FLI1: variants seen among roughly 807,000 people sequenced by gnomAD.
FLI1 encodes Friend leukemia integration 1 transcription factor.
Under a neutral mutation model 53.1 loss-of-function variants are expected in FLI1, and 13 were observed. That is an observed-to-expected ratio of 0.24 (90% confidence interval 0.16 to 0.39). The LOEUF is 0.39. Ranked by LOEUF, FLI1 falls within the 10% of genes least tolerant of loss-of-function variation. The probability of loss-of-function intolerance (pLI) is 1.00; values close to 1 mark genes in which losing one functional copy is unlikely to be tolerated. For synonymous variants in FLI1, 244 were observed against 236.7 expected (o/e 1.03, Z -0.28); for missense variants, 424 against 600.5 (o/e 0.71, Z 3.07).
intron 5 of FLI1, among the ~76,000 whole-genome samples, chr11:128,795,292 C>A (rs1000364127): frequency 6.6e-6 from 1 of 152,214 alleles, no homozygotes; most frequent in African/African-American, 2.4e-5. Flanking sequence ...CGGAGCCTCA[C>A]CTCATTCACA....
upstream of FLI1, chr11:128,693,869 G>A (rs1374239352): frequency 4.6e-6 from 1 of 217,344 alleles, no homozygotes; most frequent in Non-Finnish European, 8.3e-6. Flanking sequence ...AGCAGGGGAG[G>A]AAGAGGGGGT....
chr11:128,745,788 T>G (rs530538678), intron 1 of FLI1, among the ~76,000 whole-genome samples: 1 of 152,348 alleles, frequency 6.6e-6, no homozygotes, highest in Admixed American at 6.5e-5. Context: ...AGGCTGATTT[T>G]GCCTTCGTCC....
At chr11:128,773,585 G>A (rs776157141) in intron 4 of FLI1, among the ~76,000 whole-genome samples, 3 of 150,016 alleles carry the variant, frequency 2.0e-5, no homozygotes, top group Non-Finnish European at 4.4e-5. Context: ...GAAAGGGCGA[G>A]CTTAAGAAAG....
chr11:128,686,082 G>T, upstream of FLI1: 1 of 315,524 alleles, frequency 3.2e-6, no homozygotes, highest in Non-Finnish European at 6.4e-6. Flanking sequence ...CTCCGTCCCC[G>T]GGCCACCAGC....
At chr11:128,791,429 C>T (rs1429966002) in intron 5 of FLI1, among the ~76,000 whole-genome samples, 3 of 152,204 alleles carry the variant, frequency 2.0e-5, no homozygotes, top group African/African-American at 7.2e-5. Flanking sequence ...TCATTACGGT[C>T]TTGTGCACCC....
intron 1 of FLI1, among the ~76,000 whole-genome samples, chr11:128,745,811 G>A (rs1280151696): frequency 6.6e-6 from 1 of 152,210 alleles, no homozygotes; most frequent in African/African-American, 2.4e-5. Flanking sequence ...CTGCCAGGCT[G>A]CTCTCTGGGT....
intron 1 of FLI1, among the ~76,000 whole-genome samples, chr11:128,747,640 G>A (rs925668783): frequency 1.3e-5 from 2 of 152,190 alleles, no homozygotes; most frequent in African/African-American, 4.8e-5. Flanking sequence ...CTTTGATACT[G>A]TGGGACCTAC....
chr11:128,737,219 G>A (rs1939948525), intron 1 of FLI1, among the ~76,000 whole-genome samples: 1 of 152,108 alleles, frequency 6.6e-6, no homozygotes. Context: ...CAGGGTGCAA[G>A]CTCATCCACT....
At chr11:128,783,966 G>C (rs1388523159) in intron 5 of FLI1, among the ~76,000 whole-genome samples, 1 of 151,812 alleles carries the variant, frequency 6.6e-6, no homozygotes, top group Non-Finnish European at 1.5e-5. Flanking sequence ...GATAGGGAGG[G>C]AGAAAAGCAA....
At chr11:128,736,475 T>G (rs1939922898) in intron 1 of FLI1, among the ~76,000 whole-genome samples, 1 of 152,208 alleles carries the variant, frequency 6.6e-6, no homozygotes, top group South Asian at 2.1e-4. Flanking sequence ...CTGAGTTGCT[T>G]TCTCACTTGA....
intron 5 of FLI1, among the ~76,000 whole-genome samples, chr11:128,796,364 G>A (rs898461228): frequency 6.6e-6 from 1 of 152,190 alleles, no homozygotes; most frequent in South Asian, 2.1e-4. Context: ...ATACACTAGA[G>A]GAGGTTAGAG....
chr11:128,790,093 T>TGTGTGTGC (rs1555123870), intron 5 of FLI1, among the ~76,000 whole-genome samples: 30 of 151,514 alleles, frequency 2.0e-4, no homozygotes, highest in African/African-American at 6.3e-4. Flanking sequence ...TGTGTGTGTG[T>TGTGTGTGC]GTGCACGCGT....
At chr11:128,694,360 C>T (rs1937927092) in intron 1 of FLI1, 84 bp downstream of exon 1, 2 of 1,101,174 alleles carry the variant, frequency 1.8e-6, no homozygotes. Context: ...GGCCCGCGTC[C>T]CGGAAGACGT....
chr11:128,775,922 T>C (rs1451936897), intron 4 of FLI1, among the ~76,000 whole-genome samples: 1 of 152,208 alleles, frequency 6.6e-6, no homozygotes, highest in East Asian at 1.9e-4. Flanking sequence ...ATCGGGGACC[T>C]GAGACTGTGG....
At chr11:128,778,653 G>A (rs73573761) in intron 4 of FLI1, among the ~76,000 whole-genome samples, 5,862 of 152,288 alleles carry the variant, frequency 0.038, 374 homozygotes, top group African/African-American at 0.13. Flanking sequence ...GATGGAAAGC[G>A]TCTGGCACAC....
At chr11:128,758,474 C>T (rs927004457) in intron 2 of FLI1, 148 bp downstream of exon 2, 6 of 674,642 alleles carry the variant, frequency 8.9e-6, no homozygotes, top group Admixed American at 2.5e-5. Flanking sequence ...AGAGCTAAGG[C>T]AGAGAGGGCC....
intron 3 of FLI1, among the ~76,000 whole-genome samples, chr11:128,771,620 T>C (rs955567885): frequency 6.6e-6 from 1 of 152,188 alleles, no homozygotes; most frequent in Non-Finnish European, 1.5e-5. Context: ...GTAGCACAGA[T>C]ATTCCTGCCT....
chr11:128,752,915 G>A (rs1028216499), intron 1 of FLI1, among the ~76,000 whole-genome samples: 1 of 152,208 alleles, frequency 6.6e-6, no homozygotes, highest in Non-Finnish European at 1.5e-5. Context: ...TGCATTACTG[G>A]TAGCAGGCCC....
intron 1 of FLI1, among the ~76,000 whole-genome samples, chr11:128,705,059 T>A (rs1405901518): frequency 6.6e-6 from 1 of 152,246 alleles, no homozygotes; most frequent in Non-Finnish European, 1.5e-5. Context: ...TCCTGCTTAC[T>A]TCCAAATTCC....
Sources: gnomAD v4.1 joint callset for allele counts (sites outside exome capture counted in the v4.1 genomes callset) on GRCh38, gnomAD v4.1.1 for gene constraint, MANE v1.5 for transcripts, NCBI Gene and HGNC (gene_info 2026-07-23, HGNC 2026-07-21) for gene names.